ADAM9: variants seen among roughly 807,000 people sequenced by gnomAD.
The protein encoded by ADAM9 is ADAM metallopeptidase domain 9, also known as disintegrin and metalloproteinase domain-containing protein 9.
In ADAM9, 54 loss-of-function variants were observed where a neutral mutation model predicts 108.1. The observed-to-expected ratio is 0.50, with a 90% CI of 0.40 to 0.63. The LOEUF is 0.63. ADAM9 is among the 20% of genes least tolerant of loss of function. The pLI is 0.00. For synonymous variants in ADAM9, 316 were observed against 336.0 expected (o/e 0.94, Z 0.65); for missense variants, 830 against 997.7 (o/e 0.83, Z 2.26).
chr8:39,044,961 T>C (rs966683761), intron 12 of ADAM9, among the ~76,000 whole-genome samples: 21 of 150,940 alleles, frequency 1.4e-4, no homozygotes, highest in African/African-American at 5.2e-4. Flanking sequence ...TGTATATGTG[T>C]GTGCACACAT....
intron 7 of ADAM9, among the ~76,000 whole-genome samples, chr8:39,020,023 C>T (rs1222950623): frequency 6.6e-6 from 1 of 152,204 alleles, no homozygotes. Flanking sequence ...CAGTGGCTCA[C>T]GCCTGTAATC....
intron 8 of ADAM9, among the ~76,000 whole-genome samples, chr8:39,022,774 C>T (rs777045185): frequency 1.3e-5 from 2 of 151,862 alleles, no homozygotes; most frequent in African/African-American, 2.4e-5. Flanking sequence ...AGTCCAGTGG[C>T]GCAATCTCGG....
chr8:39,069,112 A>C (rs1056941113), intron 14 of ADAM9, among the ~76,000 whole-genome samples: 4 of 152,120 alleles, frequency 2.6e-5, no homozygotes, highest in Non-Finnish European at 5.9e-5. Context: ...GGTTGATCTC[A>C]GTTTTTTCTG....
intron 11 of ADAM9, among the ~76,000 whole-genome samples, chr8:39,036,754 A>G (rs1361675578): frequency 6.6e-6 from 1 of 152,180 alleles, no homozygotes; most frequent in Non-Finnish European, 1.5e-5. Flanking sequence ...TTAAAGTCTC[A>G]CTGAAGGCCA....
At chr8:39,010,924 C>G (rs1248449515) in intron 2 of ADAM9, among the ~76,000 whole-genome samples, 2 of 152,014 alleles carry the variant, frequency 1.3e-5, no homozygotes, top group Non-Finnish European at 2.9e-5. Flanking sequence ...GAAACCCCGT[C>G]TCTACTAAAA....
intron 3 of ADAM9, 149 bp from the exon 4 acceptor site, chr8:39,013,816 A>C: frequency 2.9e-6 from 2 of 701,188 alleles, no homozygotes; most frequent in Non-Finnish European, 4.9e-6. Flanking sequence ...TGAGCTTTTA[A>C]TTTTACAATA....
At chr8:39,063,522 G>C (rs1467638742) in intron 14 of ADAM9, among the ~76,000 whole-genome samples, 1 of 152,184 alleles carries the variant, frequency 6.6e-6, no homozygotes, top group Non-Finnish European at 1.5e-5. Context: ...AGGAGTTTGA[G>C]ACCAGCCTGG....
intron 20 of ADAM9, among the ~76,000 whole-genome samples, chr8:39,100,524 A>T (rs1430554819): frequency 6.6e-6 from 1 of 152,044 alleles, no homozygotes; most frequent in Non-Finnish European, 1.5e-5. Flanking sequence ...AGTGAAGCTA[A>T]TTCCCATACC....
At chr8:39,055,507 G>C in intron 13 of ADAM9, 70 bp from the exon 14 acceptor site, 2 of 1,467,960 alleles carry the variant, frequency 1.4e-6, no homozygotes, top group East Asian at 4.5e-5. Context: ...TAAATGCTGT[G>C]GTTTCACATT....
At chr8:39,026,336 T>G (rs937537773) in intron 10 of ADAM9, among the ~76,000 whole-genome samples, 19 of 152,232 alleles carry the variant, frequency 1.2e-4, no homozygotes, top group African/African-American at 4.6e-4. Flanking sequence ...CTCCCACTTA[T>G]GAGTGTAGCT....
intron 12 of ADAM9, among the ~76,000 whole-genome samples, chr8:39,052,664 G>T (rs1054152974): frequency 6.6e-6 from 1 of 152,028 alleles, no homozygotes; most frequent in Non-Finnish European, 1.5e-5. Flanking sequence ...ATCCACTAAT[G>T]ATCAGTTGTT....
At position 39,098,300 on chromosome 8, in the gene ADAM9, G is replaced by A. The variant is rs151082593; in HGVS notation, c.2299-3563G>A. ...CTCCTTTGCCAGTAAATAGACTTCC[G>A]GAGTTGATTTACATTTTTCAGTTCT... On this transcript the variant is annotated intron_variant, in intron 20 of 21. Coordinates refer to ENST00000487273, the MANE Select transcript of ADAM9 (RefSeq NM_003816.3). Among the ~76,000 whole-genome samples the A allele has an allele frequency of 3.7e-4, 56 of 152,142 alleles. No individual in the cohort carries two copies. The East Asian group carries it at 6.6e-3, about 18-fold the overall frequency.
chr8:39,069,394 G>A (rs942296924), intron 14 of ADAM9, among the ~76,000 whole-genome samples: 4 of 152,148 alleles, frequency 2.6e-5, no homozygotes, highest in African/African-American at 9.7e-5. Context: ...TCATTCCTTT[G>A]AACATTTGAA....
chr8:39,016,246 T>G, intron 5 of ADAM9, 52 bp downstream of exon 5: 3 of 1,469,914 alleles, frequency 2.0e-6, no homozygotes, highest in Non-Finnish European at 2.9e-6. Flanking sequence ...TGTCTTACCC[T>G]CTTTCCTGTT....
intron 20 of ADAM9, among the ~76,000 whole-genome samples, chr8:39,096,338 AC>A (rs1839505709): frequency 3.3e-5 from 5 of 151,860 alleles, no homozygotes; most frequent in East Asian, 1.9e-4. Flanking sequence ...ATTCTATAGC[AC>A]ATATATTGTG....
chr8:39,032,846 G>A (rs949080025), intron 11 of ADAM9, among the ~76,000 whole-genome samples: 3 of 152,242 alleles, frequency 2.0e-5, no homozygotes, highest in Non-Finnish European at 4.4e-5. Context: ...AGTAAGTCTT[G>A]AAGTCAGGTA....
At chr8:39,042,221 T>G in intron 12 of ADAM9, 104 bp downstream of exon 12, 2 of 1,256,710 alleles carry the variant, frequency 1.6e-6, no homozygotes, top group Non-Finnish European at 2.3e-6. Context: ...AAAGTAAAAT[T>G]TAGTGGCACA....
chr8:39,088,337 C>G (rs1839240169), intron 18 of ADAM9, among the ~76,000 whole-genome samples: 1 of 151,894 alleles, frequency 6.6e-6, no homozygotes, highest in Admixed American at 6.6e-5. Flanking sequence ...GCAATCTCGG[C>G]TCCGCCTCCC....
At position 39,045,251 on chromosome 8, in the gene ADAM9, TATGTGTATATATGTGTATACATAC is replaced by T. The variant is rs1404570179; in HGVS notation, c.1302+3137_1302+3160del. 1.5e-4 allele frequency among the ~76,000 whole-genome samples: 21 copies of T among 143,490 alleles called. 1 individual carries two copies. The highest frequency in any genetic ancestry group is 2.8e-4 in the Non-Finnish European group (18 of 64,078). 94.1% of individuals were successfully genotyped at this position (143,490 alleles called of 152,430 possible). On this transcript the variant is annotated intron_variant, in intron 12 of 21. Transcript: ENST00000487273. The stretch of plus-strand genomic sequence containing the variant: ...GTGTATATATGTGTATACATACATA[TATGTGTATATATGTGTATACATAC>T]ATATGTATATGTGTGTGTACACCTA...
Sources: allele counts gnomAD v4.1 joint callset (sites outside exome capture counted in the v4.1 genomes callset), GRCh38; gene constraint gnomAD v4.1.1; transcripts MANE v1.5; gene names NCBI Gene and HGNC (gene_info 2026-07-23, HGNC 2026-07-21).